PTK2B: variants seen among roughly 807,000 people sequenced by gnomAD.
PTK2B encodes the protein protein tyrosine kinase 2 beta.
In PTK2B, 71 loss-of-function variants were observed where a neutral mutation model predicts 142.9. That is an observed-to-expected ratio of 0.50 (90% CI 0.41 to 0.61). The LOEUF is 0.61. Ranked by LOEUF, PTK2B falls within the 20% of genes least tolerant of loss-of-function variation. The pLI is 0.00. For synonymous variants in PTK2B, 519 were observed against 503.4 expected, an observed-to-expected ratio of 1.03 and a Z score of -0.42; for missense variants, 1,105 against 1,320.4, an observed-to-expected ratio of 0.84 and a Z score of 2.53.
At chr8:27,456,471 ATGT>A (rs1214860758) in intron 30 of PTK2B, among the ~76,000 whole-genome samples, 1 of 152,164 alleles carries the variant, frequency 6.6e-6, no homozygotes, top group Non-Finnish European at 1.5e-5. Flanking sequence ...TTATCAATAA[ATGT>A]TGTGTGTGTT....
chr8:27,386,884 T>C (rs1807394940), intron 1 of PTK2B, among the ~76,000 whole-genome samples: 1 of 152,130 alleles, frequency 6.6e-6, no homozygotes, highest in African/African-American at 2.4e-5. Context: ...CTGAGGTTTT[T>C]TTTTTTTTAA....
intron 3 of PTK2B, chr8:27,313,338 C>T (rs1240646135): frequency 6.6e-6 from 1 of 152,188 alleles, no homozygotes; most frequent in Non-Finnish European, 1.5e-5. Context: ...CAGTCTAAGG[C>T]AGTTCTTTAT....
intron 27 of PTK2B, 142 bp downstream of exon 27, chr8:27,451,651 G>A (rs752059600): frequency 2.6e-6 from 4 of 1,510,632 alleles, no homozygotes; most frequent in Non-Finnish European, 3.6e-6. Context: ...TTCAGAGCAT[G>A]TGGGGCAGGC....
rs373751030 is a variant in PTK2B, at chr8:27,454,268, G to A, written c.2710G>A (p.Glu904Lys). 7 of 1,613,938 alleles carry A rather than the reference G, an allele frequency of 4.3e-6. No homozygotes were observed. The African/African-American group carries it at 5.3e-5, about 12-fold the overall frequency. Residue 904 changes from glutamate to lysine, a missense_variant, in exon 29 of 31, where the codon GAG becomes AAG. Transcript: ENST00000346049. ...GAATGAGCTCTGTCAGCTGCCCCCC[G>A]AGGGCTACGTGGTGGTGGTGAAGGT... ...LKNELCQLPPEGYVVVVKNVG... is the reference protein window; with the variant it reads ...LKNELCQLPPKGYVVVVKNVG...
chr8:27,454,724 C>G, intron 30 of PTK2B, 113 bp downstream of exon 30: 1 of 1,133,070 alleles, frequency 8.8e-7, no homozygotes, highest in Non-Finnish European at 1.3e-6. Context: ...CCACTGAGTC[C>G]CCACCAGGTG....
chr8:27,402,607 GGC>G (rs1353671885), intron 2 of PTK2B, among the ~76,000 whole-genome samples: 1 of 152,184 alleles, frequency 6.6e-6, no homozygotes, highest in East Asian at 1.9e-4. Flanking sequence ...ATGGTAGCAT[GGC>G]CTAGGGTATT....
intron 2 of PTK2B, among the ~76,000 whole-genome samples, chr8:27,404,732 G>A (rs1429798342): frequency 1.3e-5 from 2 of 152,070 alleles, no homozygotes; most frequent in South Asian, 4.1e-4. Context: ...TTTCCCCTTC[G>A]CTCCTTAAAC....
chr8:27,346,626 C>T (rs2130319327), intron 1 of PTK2B, among the ~76,000 whole-genome samples: 1 of 152,356 alleles, frequency 6.6e-6, no homozygotes, highest in African/African-American at 2.4e-5. Flanking sequence ...CCTTTCATCA[C>T]AGAAAAATGG....
chr8:27,413,132 C>G (rs1396498866), intron 2 of PTK2B, among the ~76,000 whole-genome samples: 6 of 151,976 alleles, frequency 3.9e-5, no homozygotes, highest in Non-Finnish European at 8.8e-5. Flanking sequence ...CCAGCTCAGT[C>G]TCTTCATAAG....
At chr8:27,412,883 A>G (rs960780757) in intron 2 of PTK2B, among the ~76,000 whole-genome samples, 1 of 152,200 alleles carries the variant, frequency 6.6e-6, no homozygotes, top group African/African-American at 2.4e-5. Context: ...CTCAGAGACT[A>G]TGGGTAGGGG....
intron 1 of PTK2B, among the ~76,000 whole-genome samples, chr8:27,365,848 T>C (rs562758401): frequency 4.1e-4 from 62 of 152,308 alleles, no homozygotes; most frequent in African/African-American, 1.5e-3. Context: ...TGCTGGTAAT[T>C]TGCCTTCCTT....
At chr8:27,397,471 G>C in intron 1 of PTK2B, 77 bp from the exon 2 acceptor site, 1 of 1,107,662 alleles carries the variant, frequency 9.0e-7, no homozygotes. Context: ...GAGCTCGGTG[G>C]GTGCTGTCCC....
chr8:27,391,080 C>CTTTTT (rs34857478), intron 1 of PTK2B, among the ~76,000 whole-genome samples: 3 of 142,532 alleles, frequency 2.1e-5, no homozygotes, highest in African/African-American at 2.6e-5. Context: ...GGAACAGAAC[C>CTTTTT]TTTTTTTTTT....
intron 1 of PTK2B, among the ~76,000 whole-genome samples, chr8:27,365,721 A>AT (rs1805983387): frequency 6.6e-6 from 1 of 152,228 alleles, no homozygotes; most frequent in East Asian, 1.9e-4. Context: ...GATATTTATT[A>AT]TTTTAAGGTT....
At chr8:27,384,748 C>T (rs1239058649) in intron 1 of PTK2B, among the ~76,000 whole-genome samples, 5 of 152,186 alleles carry the variant, frequency 3.3e-5, no homozygotes, top group Non-Finnish European at 7.3e-5. Flanking sequence ...CCCCCATGGT[C>T]TCCATGCACT....
In PTK2B at chr8:27,384,050, ATGT is replaced by A. The variant is rs199684242; in HGVS notation, c.-37-13495_-37-13493del. Reference sequence around the variant, plus strand: ...TTTTTAGTAGAGACAGGGTTTCTCCATGTTGGTCAGGCTGATCTCGAACTCCCG... The same window carrying A: ...TTTTTAGTAGAGACAGGGTTTCTCCATGGTCAGGCTGATCTCGAACTCCCG... On this transcript the variant is annotated intron_variant, in intron 1 of 30. Coordinates refer to ENST00000346049, the MANE Select transcript of PTK2B (RefSeq NM_173176.3). Among the ~76,000 whole-genome samples, 446 of 151,486 alleles carry A rather than the reference ATGT, an allele frequency of 2.9e-3. 29 individuals carry two copies. In the East Asian group the frequency reaches 0.083, roughly 28 times the overall value.
chr8:27,402,782 C>G (rs1481996862), intron 2 of PTK2B, among the ~76,000 whole-genome samples: 3 of 152,218 alleles, frequency 2.0e-5, no homozygotes, highest in Admixed American at 2.0e-4. Context: ...ATCATCATCT[C>G]CATGGCTACA....
chr8:27,380,691 T>A (rs1454655103), intron 1 of PTK2B: 1 of 152,202 alleles, frequency 6.6e-6, no homozygotes, highest in Non-Finnish European at 1.5e-5. Context: ...CTCCCTGAGA[T>A]CCATCGTGGC....
At chr8:27,411,636 C>T (rs369644308) in intron 2 of PTK2B, among the ~76,000 whole-genome samples, 82 of 152,338 alleles carry the variant, frequency 5.4e-4, no homozygotes, top group African/African-American at 1.8e-3. Context: ...GGTTCTCACC[C>T]TCGTTTGTAT....
Sources: gnomAD v4.1 joint callset for allele counts (sites outside exome capture counted in the v4.1 genomes callset) on GRCh38, gnomAD v4.1.1 for gene constraint, MANE v1.5 for transcripts, NCBI Gene and HGNC (gene_info 2026-07-23, HGNC 2026-07-21) for gene names.